CSF2RA: variants seen among roughly 807,000 people sequenced by gnomAD.
CSF2RA encodes the protein colony stimulating factor 2 receptor subunit alpha.
A neutral mutation model predicts 51.6 loss-of-function variants in CSF2RA; 42 were observed. The observed-to-expected ratio is 0.81, with a 90% CI of 0.64 to 1.05. The LOEUF (loss-of-function observed/expected upper bound fraction) is 1.05, where lower values mean the gene tolerates loss of function less well. Among genes scored for constraint, CSF2RA ranks in the 50% least tolerant of loss-of-function variants. The pLI is 0.00. For missense variants in CSF2RA, 530 were observed against 501.1 expected (o/e 1.06, Z -0.55); for synonymous variants, 222 against 193.0 (o/e 1.15, Z -1.24).
intron 7 of CSF2RA, among the ~76,000 whole-genome samples, chrX:1,290,797 G>C (rs768924409): frequency 6.6e-6 from 1 of 152,094 alleles, no homozygotes; most frequent in South Asian, 2.1e-4. Context: ...GGAGGCGGAC[G>C]TTGCAATGAG....
At chrX:1,294,707 G>C (rs1464859582) in intron 8 of CSF2RA, among the ~76,000 whole-genome samples, 1 of 152,042 alleles carries the variant, frequency 6.6e-6, no homozygotes, top group Non-Finnish European at 1.5e-5. Flanking sequence ...GAACCAGGAA[G>C]TGGACCGGGA....
chrX:1,286,501 G>A (rs1296558771), intron 4 of CSF2RA, among the ~76,000 whole-genome samples: 6 of 151,858 alleles, frequency 4.0e-5, no homozygotes, highest in South Asian at 2.1e-4. Flanking sequence ...CTCGGGAGGC[G>A]GAGGTTGCGG....
downstream of CSF2RA, among the ~76,000 whole-genome samples, chrX:1,314,884 C>T (rs1235406902): frequency 1.4e-5 from 1 of 72,430 alleles, no homozygotes; most frequent in African/African-American, 5.1e-5. Flanking sequence ...TGCACCTGCC[C>T]AACCACACTG....
chrX:1,299,072 GC>G (rs2092202040), intron 9 of CSF2RA, among the ~76,000 whole-genome samples: 1 of 152,148 alleles, frequency 6.6e-6, no homozygotes, highest in Non-Finnish European at 1.5e-5. Flanking sequence ...ACGGGTGAGG[GC>G]CCCCTCATAG....
chrX:1,299,064 G>T (rs548427668), intron 9 of CSF2RA, among the ~76,000 whole-genome samples: 1 of 152,158 alleles, frequency 6.6e-6, no homozygotes, highest in Non-Finnish European at 1.5e-5. Flanking sequence ...GATCTCACAC[G>T]GGTGAGGGCC....
chrX:1,303,843 T>G lies in CSF2RA; in HGVS notation c.947-80T>G, dbSNP rs188182420. 1.9e-4 allele frequency: 228 copies of G among 1,208,924 alleles called. No individual in the cohort carries two copies. In the African/African-American group the frequency reaches 3.1e-3, roughly 16 times the overall value. The allele number at this position is 1,208,924 out of a possible 1,614,324, so 74.9% of individuals were successfully genotyped here. A position where few individuals can be genotyped will look rare whatever the true frequency, so the allele number is the denominator to read the frequency against. On this transcript the variant is annotated intron_variant, in intron 10 of 12. Coordinates refer to ENST00000381529, the MANE Select transcript of CSF2RA (RefSeq NM_172245.4). ...ACTGTTCCCTTTGGCTAAATGCATT[T>G]GGACACCCGAAGAGATTTAATTTCC...
At chrX:1,312,049 C>T (rs760938336), downstream of CSF2RA, among the ~76,000 whole-genome samples, 2 of 152,200 alleles carry the variant, frequency 1.3e-5, no homozygotes, top group East Asian at 1.9e-4. Flanking sequence ...CTCCACCTCC[C>T]GGGTTCAGGC....
At chrX:1,323,810 C>T in the CSF2RA span, among the ~76,000 whole-genome samples, 4,116 of 151,310 alleles carry the variant, frequency 0.027, 109 homozygotes, top group South Asian at 0.1. Context: ...GTCAGGAGAT[C>T]GAAACCATCC....
intron 12 of CSF2RA, among the ~76,000 whole-genome samples, chrX:1,306,356 C>T (rs2083564509): frequency 6.6e-6 from 1 of 151,498 alleles, no homozygotes; most frequent in African/African-American, 2.4e-5. Flanking sequence ...ACATAAAGAC[C>T]CAGGCGGGGG....
At chrX:1,278,617 C>A (rs1195628090) in intron 2 of CSF2RA, among the ~76,000 whole-genome samples, 1 of 143,082 alleles carries the variant, frequency 7.0e-6, no homozygotes, top group Non-Finnish European at 1.5e-5. Flanking sequence ...ACTTGGGAGA[C>A]GGAGGTTGCA....
At position 1,305,949 on chromosome X, in the gene CSF2RA, G is replaced by T. The variant is rs369519802; in HGVS notation, c.1125+422G>T. The T allele has an allele frequency of 1.4e-4, 89 of 656,230 alleles. 1 individual carries two copies. In the African/African-American group the frequency reaches 1.6e-3, roughly 12 times the overall value. 40.7% of individuals were successfully genotyped at this position (656,230 alleles called of 1,614,324 possible). On this transcript the variant is annotated intron_variant, in intron 12 of 12. Coordinates refer to ENST00000381529, the MANE Select transcript of CSF2RA (RefSeq NM_172245.4). ...TACAAAAAATTAGCTGGGTGTGGTGGTGTACGCCTGAAATCCCAGTGACTC... is the reference window on the plus strand; with the variant it reads ...TACAAAAAATTAGCTGGGTGTGGTGTTGTACGCCTGAAATCCCAGTGACTC...
the CSF2RA span, among the ~76,000 whole-genome samples, chrX:1,321,948 C>G: frequency 3.3e-5 from 5 of 152,090 alleles, no homozygotes; most frequent in East Asian, 9.7e-4. Context: ...CCAGCCTGAC[C>G]AACGTGGTGA....
At chrX:1,276,921 A>T (rs1266127670) in intron 2 of CSF2RA, among the ~76,000 whole-genome samples, 4 of 151,628 alleles carry the variant, frequency 2.6e-5, no homozygotes, top group African/African-American at 9.7e-5. Context: ...CAACATGGTG[A>T]AATGCTATCT....
At chrX:1,318,325 A>G in the CSF2RA span, among the ~76,000 whole-genome samples, 1 of 151,402 alleles carries the variant, frequency 6.6e-6, no homozygotes, top group African/African-American at 2.4e-5. Flanking sequence ...CACCACACCC[A>G]GCTAATTTTG....
At chrX:1,303,717 T>C (rs1218854143) in intron 10 of CSF2RA, among the ~76,000 whole-genome samples, 1 of 152,108 alleles carries the variant, frequency 6.6e-6, no homozygotes, top group Non-Finnish European at 1.5e-5. Flanking sequence ...AATTTCCTTG[T>C]GGGCAAAACA....
At chrX:1,282,394 G>T (rs1375256835) in intron 2 of CSF2RA, 2 of 536,880 alleles carry the variant, frequency 3.7e-6, no homozygotes, top group Non-Finnish European at 6.7e-6. Flanking sequence ...GTCAGCTATG[G>T]GTTCCCTCAT....
intron 3 of CSF2RA, chrX:1,285,572 G>C (rs1334280471): frequency 2.3e-5 from 15 of 654,764 alleles, no homozygotes. Context: ...GTCGGCGCCT[G>C]TCATCCCAGC....
the CSF2RA span, among the ~76,000 whole-genome samples, chrX:1,324,124 G>C: frequency 6.6e-6 from 1 of 151,920 alleles, no homozygotes; most frequent in South Asian, 2.1e-4. Flanking sequence ...GGTGGAGGTT[G>C]CAGTAAGCTA....
chrX:1,324,424 G>C, the CSF2RA span, among the ~76,000 whole-genome samples: 1 of 90,496 alleles, frequency 1.1e-5, no homozygotes, highest in Non-Finnish European at 2.3e-5. Context: ...GAAAGAAAAA[G>C]AAAGAAGAGA....
Sources: gnomAD v4.1 joint callset for allele counts (sites outside exome capture counted in the v4.1 genomes callset) on GRCh38, gnomAD v4.1.1 for gene constraint, MANE v1.5 for transcripts, NCBI Gene and HGNC (gene_info 2026-07-23, HGNC 2026-07-21) for gene names.